Variants in RARB observed in about 807,000 individuals in gnomAD.
The protein encoded by RARB is HBV-activated protein.
Under a neutral mutation model 51.9 loss-of-function variants are expected in RARB, and 17 were observed. The observed-to-expected ratio is 0.33, with a 90% CI of 0.22 to 0.49. RARB has a LOEUF of 0.49. Among genes scored for constraint, RARB ranks in the 20% least tolerant of loss-of-function variants. The pLI, the probability that RARB is intolerant of heterozygous loss-of-function variation, is 0.99. For missense variants in RARB, 369 were observed against 550.8 expected, an observed-to-expected ratio of 0.67 and a Z score of 3.30; for synonymous variants, 215 against 195.4, an observed-to-expected ratio of 1.10 and a Z score of -0.84.
At chr3:25,459,779 C>T (rs1468363324) in intron 1 of RARB, among the ~76,000 whole-genome samples, 6 of 152,228 alleles carry the variant, frequency 3.9e-5, no homozygotes, top group Middle Eastern at 3.4e-3. Flanking sequence ...AGCAGTAGGG[C>T]AACTGGAAAC....
intron 3 of RARB, among the ~76,000 whole-genome samples, chr3:25,557,137 TCACACACACACACACACA>T (rs55731301): frequency 1.4e-5 from 2 of 145,408 alleles, no homozygotes; most frequent in African/African-American, 2.6e-5. Flanking sequence ...GGCATTGCAT[TCACACACACACACACACA>T]CACACACACA....
At chr3:25,051,664 A>G (rs552275015) in intron 2 of RARB, among the ~76,000 whole-genome samples, 1 of 152,310 alleles carries the variant, frequency 6.6e-6, no homozygotes, top group Admixed American at 6.5e-5. Flanking sequence ...TAGATGATAG[A>G]TAGATCAAGA....
In RARB at chr3:24,926,110, C is replaced by T. The variant is rs564956443; in HGVS notation, c.-380+67358C>T. ...GGTCTCTGTCATATTTTTACAATTT[C>T]GTTTTCTTAATCTGCTATGATTTAT... On this transcript the variant is annotated intron_variant, in intron 2 of 11. Coordinates refer to the RARB transcript ENST00000383772. Among the ~76,000 whole-genome samples the T allele has an allele frequency of 3.5e-4, 54 of 152,142 alleles. No homozygotes were observed. In the South Asian group the frequency reaches 0.011, roughly 30 times the overall value.
At chr3:25,134,532 T>C (rs1700000316) in intron 4 of RARB, among the ~76,000 whole-genome samples, 1 of 151,962 alleles carries the variant, frequency 6.6e-6, no homozygotes, top group Non-Finnish European at 1.5e-5. Context: ...ACGTGTACAG[T>C]TCTGGTACAT....
chr3:25,098,503 T>C lies in RARB; in HGVS notation c.-327-33658T>C, dbSNP rs546564283. 3.9e-5 allele frequency among the ~76,000 whole-genome samples: 6 copies of C among 152,352 alleles called. No homozygotes were observed. The East Asian group carries it at 5.8e-4, about 15-fold the overall frequency. ...AATATTGGGTAAAGAAGTCCACCTA[T>C]ATAAGGCTTAGCTTCTTCATTGTAA... On this transcript the variant is annotated intron_variant, in intron 3 of 11. Transcript: ENST00000383772.
At chr3:25,122,497 A>C (rs1699799751) in intron 3 of RARB, among the ~76,000 whole-genome samples, 1 of 152,114 alleles carries the variant, frequency 6.6e-6, no homozygotes, top group Non-Finnish European at 1.5e-5. Flanking sequence ...GCTCTGGGAC[A>C]TTCTTATATG....
At chr3:25,546,615 T>C (rs1699629095) in intron 3 of RARB, among the ~76,000 whole-genome samples, 1 of 152,144 alleles carries the variant, frequency 6.6e-6, no homozygotes, top group Non-Finnish European at 1.5e-5. Flanking sequence ...AAAAGCTATT[T>C]TCTTTTGAAT....
At chr3:24,963,992 T>C (rs1696199993) in intron 2 of RARB, among the ~76,000 whole-genome samples, 1 of 152,140 alleles carries the variant, frequency 6.6e-6, no homozygotes, top group South Asian at 2.1e-4. Flanking sequence ...ACCTGACAAA[T>C]GATGTCTGAA....
Position 25,459,857 on chromosome 3 carries a change from T to G in RARB, c.158-1336T>G, listed in dbSNP as rs143822172. Reference sequence around the variant, plus strand: ...GAGACTAGAAGATTCTGGAACATTATTTAACCACTTTTAATTCTCCTTCCC... The same window carrying G: ...GAGACTAGAAGATTCTGGAACATTAGTTAACCACTTTTAATTCTCCTTCCC... On this transcript the variant is annotated intron_variant, in intron 1 of 7. Coordinates refer to ENST00000330688, the MANE Select transcript of RARB (RefSeq NM_000965.5). 2.6e-5 allele frequency among the ~76,000 whole-genome samples: 4 copies of G among 152,328 alleles called. No individual in the cohort carries two copies. The East Asian group carries it at 7.7e-4, about 29-fold the overall frequency.
chr3:25,220,834 C>G (rs775653111), intron 5 of RARB, among the ~76,000 whole-genome samples: 1 of 152,168 alleles, frequency 6.6e-6, no homozygotes, highest in African/African-American at 2.4e-5. Context: ...CCACTTACTT[C>G]TTATGTGATA....
intron 3 of RARB, among the ~76,000 whole-genome samples, chr3:25,076,068 C>G (rs982861482): frequency 6.6e-5 from 10 of 152,004 alleles, no homozygotes; most frequent in Admixed American, 2.0e-4. Context: ...AAACAATAAT[C>G]TGTTCAAAGA....
At chr3:25,294,830 G>A (rs1409676210) in intron 5 of RARB, among the ~76,000 whole-genome samples, 4 of 152,114 alleles carry the variant, frequency 2.6e-5, no homozygotes, top group Admixed American at 2.0e-4. Flanking sequence ...AGGGGGGAAG[G>A]AAGAGGAAAA....
chr3:24,985,265 C>A (rs909866777), intron 2 of RARB, among the ~76,000 whole-genome samples: 1 of 152,078 alleles, frequency 6.6e-6, no homozygotes, highest in Non-Finnish European at 1.5e-5. Flanking sequence ...TGAGATTGCA[C>A]GCCAACATCT....
At chr3:25,088,107 C>T (rs1286554867) in intron 3 of RARB, among the ~76,000 whole-genome samples, 3 of 151,904 alleles carry the variant, frequency 2.0e-5, no homozygotes, top group Admixed American at 2.0e-4. Flanking sequence ...AGCAATTTCA[C>T]AGTAGGGATC....
chr3:25,338,633 C>A (rs1489774598), intron 5 of RARB, among the ~76,000 whole-genome samples: 1 of 152,182 alleles, frequency 6.6e-6, no homozygotes, highest in Non-Finnish European at 1.5e-5. Flanking sequence ...AAACCAAACT[C>A]ATCTGCACAA....
At chr3:24,888,822 T>A (rs527284661) in intron 2 of RARB, among the ~76,000 whole-genome samples, 20 of 152,314 alleles carry the variant, frequency 1.3e-4, no homozygotes, top group Admixed American at 4.6e-4. Context: ...GGTTCAGTCT[T>A]CTCCATAGGG....
chr3:25,459,219 T>C (rs1041860410), intron 1 of RARB, among the ~76,000 whole-genome samples: 3 of 152,222 alleles, frequency 2.0e-5, no homozygotes, highest in African/African-American at 7.2e-5. Flanking sequence ...AGGTAGCATT[T>C]GCTTTGTGAT....
chr3:25,462,883 G>C (rs1423618201), intron 2 of RARB, among the ~76,000 whole-genome samples: 1 of 152,176 alleles, frequency 6.6e-6, no homozygotes, highest in Non-Finnish European at 1.5e-5. Flanking sequence ...AAGCACATAA[G>C]GTCTCCAGAG....
intron 5 of RARB, among the ~76,000 whole-genome samples, chr3:25,414,917 C>G (rs916594320): frequency 2.0e-5 from 3 of 152,196 alleles, no homozygotes; most frequent in African/African-American, 7.2e-5. Flanking sequence ...TCTTGGCTCA[C>G]TGCAACCTCC....
Sources: gnomAD v4.1 joint callset for allele counts (sites outside exome capture counted in the v4.1 genomes callset) on GRCh38, gnomAD v4.1.1 for gene constraint, MANE v1.5 for transcripts, NCBI Gene and HGNC (gene_info 2026-07-23, HGNC 2026-07-21) for gene names.